Variants in CROCC2 observed in about 807,000 individuals in gnomAD.
CROCC2 encodes the protein ciliary rootlet coiled-coil, rootletin family member 2.
Under a neutral mutation model 177.6 loss-of-function variants are expected in CROCC2, and 163 were observed. The observed-to-expected ratio is 0.92, with a 90% CI of 0.81 to 1.05. The LOEUF is 1.05. Ranked by LOEUF, CROCC2 falls within the 50% of genes least tolerant of loss-of-function variation. CROCC2 has a pLI of 0.00. For synonymous variants in CROCC2, 904 were observed against 787.3 expected (o/e 1.15, Z -2.48); for missense variants, 1,929 against 1,797.8 (o/e 1.07, Z -1.32).
Position 240,960,028 on chromosome 2 carries a change from C to T in CROCC2, c.3087+584C>T, listed in dbSNP as rs1239281774. Among the ~76,000 whole-genome samples, 1 of 152,242 alleles carries T rather than the reference C, an allele frequency of 6.6e-6. No individual in the cohort carries two copies. The highest frequency in any genetic ancestry group is 1.5e-5 in the Non-Finnish European group (1 of 68,044). On this transcript the variant is annotated intron_variant, in intron 20 of 31. Transcript: ENST00000690015. The surrounding 1 kb of genome is among the most constrained non-coding windows in gnomAD (Gnocchi z 5.0). ...GCTCCAGGAGTCCAGCCGGCCCCCT[C>T]GTTCCACGCACAGTTAAGAAAGTGG...
rs910335498 is a variant in CROCC2, at chr2:240,960,892, C to T, written c.3087+1448C>T. 4.6e-5 allele frequency among the ~76,000 whole-genome samples: 6 copies of T among 131,318 alleles called. No homozygotes were observed. The highest frequency in any genetic ancestry group is 2.2e-4 in the East Asian group (1 of 4,564). 86.1% of individuals were successfully genotyped at this position (131,318 alleles called of 152,430 possible). The stretch of plus-strand genomic sequence containing the variant: ...TCAGCGACCACACGGGGAAGCAAAA[C>T]GAGATTGCAAAACTGGGGGCAGCAG... On this transcript the variant is annotated intron_variant, in intron 20 of 31. Coordinates refer to ENST00000690015, the MANE Select transcript of CROCC2 (RefSeq NM_001351305.2). The surrounding 1 kb of genome is among the most constrained non-coding windows in gnomAD (Gnocchi z 5.0).
intron 30 of CROCC2, among the ~76,000 whole-genome samples, chr2:240,990,330 C>A (rs2059869371): frequency 6.6e-6 from 1 of 152,198 alleles, no homozygotes; most frequent in South Asian, 2.1e-4. Flanking sequence ...TGTGTGTGCA[C>A]TGCACACCCA....
intron 3 of CROCC2, among the ~76,000 whole-genome samples, chr2:240,922,230 C>A (rs1015151110): frequency 2.6e-5 from 4 of 152,218 alleles, no homozygotes; most frequent in Non-Finnish European, 5.9e-5. Context: ...AGAGCTATGC[C>A]CCCACTGGGC....
Position 240,960,542 on chromosome 2 carries a change from G to A in CROCC2, c.3087+1098G>A, listed in dbSNP as rs115468741. 0.044 allele frequency among the ~76,000 whole-genome samples: 6,651 copies of A among 152,184 alleles called. 446 individuals are homozygous for A. The highest frequency in any genetic ancestry group is 0.15 in the African/African-American group (6,150 of 41,498). ...GTGTGTGGCAAGGGCAGGAGGGCAC[G>A]CGGATCTGGGCTAGAGGAGGGGAGG... On this transcript the variant is annotated intron_variant, in intron 20 of 31. Coordinates refer to ENST00000690015, the MANE Select transcript of CROCC2 (RefSeq NM_001351305.2). The surrounding 1 kb of genome is among the most constrained non-coding windows in gnomAD (Gnocchi z 5.0).
intron 3 of CROCC2, 131 bp from the exon 4 acceptor site, chr2:240,922,408 C>A: frequency 3.5e-6 from 2 of 573,480 alleles, no homozygotes; most frequent in Middle Eastern, 4.7e-4. Flanking sequence ...AGACCCAACC[C>A]CAGCCCCTGC....
Position 240,944,424 on chromosome 2 carries a change from A to G in CROCC2, c.2170-1636A>G, listed in dbSNP as rs542601006. ...CCCTCTCATCTCCTTTTGAGGCTGT[A>G]ATTACACATATGATGGGCATTTTTA... On this transcript the variant is annotated intron_variant, in intron 14 of 31. Coordinates refer to ENST00000690015, the MANE Select transcript of CROCC2 (RefSeq NM_001351305.2). 1.5e-3 allele frequency among the ~76,000 whole-genome samples: 221 copies of G among 152,306 alleles called. 1 individual carries two copies. The highest frequency in any genetic ancestry group is 4.9e-3 in the African/African-American group (202 of 41,570).
chr2:240,962,888 G>C (rs1449007846), intron 20 of CROCC2, among the ~76,000 whole-genome samples: 1 of 143,702 alleles, frequency 7.0e-6, no homozygotes, highest in Non-Finnish European at 1.5e-5. Flanking sequence ...CCCCACCCCT[G>C]GGTTCTCCCG....
chr2:240,975,471 C>T (rs892237956), intron 27 of CROCC2, among the ~76,000 whole-genome samples: 3 of 152,210 alleles, frequency 2.0e-5, no homozygotes, highest in African/African-American at 7.2e-5. Flanking sequence ...ATTGGCCCAT[C>T]GTCGCCCAGT....
At chr2:240,963,239 C>A (rs562962191) in intron 20 of CROCC2, 5 of 405,648 alleles carry the variant, frequency 1.2e-5, no homozygotes, top group African/African-American at 3.9e-5. Flanking sequence ...TGTGCTGAGC[C>A]GCATCCCAGG....
In CROCC2 at chr2:240,982,960, G is replaced by A; in HGVS notation, c.4482G>A (p.Leu1494=). 1 of 1,550,480 alleles carries A rather than the reference G, an allele frequency of 6.4e-7. No individual in the cohort carries two copies. The highest frequency in any genetic ancestry group is 1.2e-5 in the South Asian group (1 of 84,042). Residue 1494 remains leucine, a synonymous_variant, in exon 28 of 32, where the codon CTG becomes CTA. Coordinates refer to ENST00000690015, the MANE Select transcript of CROCC2 (RefSeq NM_001351305.2). This position sits in a 1 kb window ranked among gnomAD's most constrained non-coding sequence, Gnocchi z 4.7. ...SQGLAKQGKL[L]EEQLTNLEHR... ...GTCTGGCCAAGCAGGGGAAGCTGCT[G>A]GAAGAACAGCTCACCAACTTGGAGC...
chr2:240,950,820 T>G, intron 18 of CROCC2: 2 of 294,588 alleles, frequency 6.8e-6, no homozygotes, highest in Non-Finnish European at 1.2e-5. Flanking sequence ...TACACCCACC[T>G]ACCCATCCAT....
At position 240,958,534 on chromosome 2, in the gene CROCC2, G is replaced by A; in HGVS notation, c.2944-767G>A. ...AGCCATGTGGGCACCTGTGCCCCCAGGAACACAAAGCCAGCTCTGGAGGGA... is the reference window on the plus strand; with the variant it reads ...AGCCATGTGGGCACCTGTGCCCCCAAGAACACAAAGCCAGCTCTGGAGGGA... On this transcript the variant is annotated intron_variant, in intron 19 of 31. Coordinates refer to ENST00000690015, the MANE Select transcript of CROCC2 (RefSeq NM_001351305.2). The surrounding 1 kb of genome is among the most constrained non-coding windows in gnomAD (Gnocchi z 6.7). The A allele has an allele frequency of 1.0e-6, 1 of 983,042 alleles. No individual in the cohort carries two copies. The highest frequency in any genetic ancestry group is 1.1e-4 in the East Asian group (1 of 8,786). The allele number at this position is 983,042 out of a possible 1,614,324, so 60.9% of individuals were successfully genotyped here.
At chr2:240,967,955 G>C (rs369285770) in intron 26 of CROCC2, among the ~76,000 whole-genome samples, 174 bp from the exon 27 acceptor site, 2 of 152,176 alleles carry the variant, frequency 1.3e-5, no homozygotes, top group African/African-American at 4.8e-5. Context: ...AGGCAGGAGG[G>C]AAGGATGGGT....
At chr2:240,988,060 G>A (rs4521036) in intron 28 of CROCC2, among the ~76,000 whole-genome samples, 17,677 of 152,262 alleles carry the variant, frequency 0.12, 1,061 homozygotes, top group South Asian at 0.19. Flanking sequence ...GGGCCCATTC[G>A]CAAGGGAACA....
chr2:240,961,540 TCACA>T (rs747511681), intron 20 of CROCC2, among the ~76,000 whole-genome samples: 3 of 143,418 alleles, frequency 2.1e-5, no homozygotes, highest in African/African-American at 5.3e-5. Flanking sequence ...CTGCACTGGC[TCACA>T]CACACACACT....
chr2:240,935,388 C>T lies in CROCC2; in HGVS notation c.1969C>T (p.Gln657Ter). 1 of 1,360,384 alleles carries T rather than the reference C, an allele frequency of 7.4e-7. No individual in the cohort carries two copies. The highest frequency in any genetic ancestry group is 9.5e-7 in the Non-Finnish European group (1 of 1,050,556). The allele number at this position is 1,360,384 out of a possible 1,614,324, so 84.3% of individuals were successfully genotyped here. A position where few individuals can be genotyped will look rare whatever the true frequency, so the allele number is the denominator to read the frequency against. ...LEQERDQLRE[Q>*]RKTLEQERAR... is the part of the protein sequence containing the mutation. The stretch of plus-strand genomic sequence containing the variant: ...GCAGGAGCGGGACCAGCTGCGGGAA[C>T]AGCGGAAGACTCTGGAGCAGGAACG... The change falls in exon 14 of 32, where the codon CAG (glutamine) becomes TAG (stop). Residue 657 changes from glutamine to a stop codon, truncating the protein, a stop_gained. Transcript: ENST00000690015. LOFTEE classifies it high-confidence loss of function.
intron 5 of CROCC2, among the ~76,000 whole-genome samples, chr2:240,929,278 C>G (rs1203543125): frequency 6.6e-6 from 1 of 152,068 alleles, no homozygotes; most frequent in Admixed American, 6.5e-5. Flanking sequence ...GGAGAACGGG[C>G]AGGATGTGAG....
At chr2:240,948,763 T>G (rs558237460) in intron 15 of CROCC2, among the ~76,000 whole-genome samples, 4 of 152,324 alleles carry the variant, frequency 2.6e-5, no homozygotes, top group African/African-American at 7.2e-5. Context: ...CGTGGCTTTT[T>G]GGGGGGACTC....
At chr2:240,950,537 G>T (rs1451318423) in intron 18 of CROCC2, 27 bp downstream of exon 18, 1 of 1,535,320 alleles carries the variant, frequency 6.5e-7, no homozygotes, top group Admixed American at 2.0e-5. Flanking sequence ...GGGGCAGCGG[G>T]ATTGCTCACA....
Sources: allele counts gnomAD v4.1 joint callset (sites outside exome capture counted in the v4.1 genomes callset), GRCh38; gene constraint gnomAD v4.1.1; non-coding constraint Gnocchi (gnomAD v3.1); transcripts MANE v1.5; gene names NCBI Gene and HGNC (gene_info 2026-07-23, HGNC 2026-07-21).